Variants in ZEB2 observed in about 807,000 individuals in gnomAD.
ZEB2 encodes zinc finger E-box-binding homeobox 2.
A neutral mutation model predicts 99.9 loss-of-function variants in ZEB2; 6 were observed. That is an observed-to-expected ratio of 0.06 (90% CI 0.03 to 0.12). ZEB2 has a LOEUF of 0.12. Ranked by LOEUF, ZEB2 falls within the 10% of genes least tolerant of loss-of-function variation. The pLI, the probability that ZEB2 is intolerant of heterozygous loss-of-function variation, is 1.00. For missense variants in ZEB2, 969 were observed against 1,502.8 expected (o/e 0.64, Z 5.87); for synonymous variants, 517 against 542.5 (o/e 0.95, Z 0.65).
At chr2:144,483,966 A>G (rs1460068013) in intron 2 of ZEB2, among the ~76,000 whole-genome samples, 1 of 152,192 alleles carries the variant, frequency 6.6e-6, no homozygotes, top group East Asian at 1.9e-4. Flanking sequence ...CTTATGGTCA[A>G]GCAAATCATA....
intron 6 of ZEB2, among the ~76,000 whole-genome samples, chr2:144,402,324 G>C (rs887211616): frequency 2.0e-5 from 3 of 152,090 alleles, no homozygotes; most frequent in African/African-American, 7.2e-5. Context: ...ACAACTGCTA[G>C]GGTGTGCTGA....
intron 2 of ZEB2, among the ~76,000 whole-genome samples, chr2:144,466,689 C>T (rs994893407): frequency 3.3e-5 from 5 of 152,086 alleles, no homozygotes; most frequent in Non-Finnish European, 5.9e-5. Context: ...ACTATTATAC[C>T]GTAACAATAA....
intron 2 of ZEB2, chr2:144,516,521 C>G (rs990652797): frequency 1.8e-4 from 27 of 152,474 alleles, no homozygotes; most frequent in African/African-American, 6.5e-4. Flanking sequence ...CTGACTCAGC[C>G]TGGATAACGG....
Position 144,384,093 on chromosome 2 carries a change from A to C in ZEB2, c.*5358T>G. 6.6e-6 allele frequency: 1 copy of C among 152,184 alleles called. No individual in the cohort carries two copies. Among genetic ancestry groups the C allele is most frequent in the Non-Finnish European group, 1.5e-5 (1 of 68,022 alleles). 9.4% of individuals were successfully genotyped at this position (152,184 alleles called of 1,614,324 possible). A position where few individuals can be genotyped will look rare whatever the true frequency, so the allele number is the denominator to read the frequency against. On this transcript the variant is annotated 3_prime_UTR_variant, in exon 10 of 10. Transcript: ENST00000627532. ...AATACTTAAAAGATCATTTGTCATC[A>C]CTTTAATCTTCATGTATTTTTTACT...
At chr2:144,397,343 A>G (rs1703243314) in intron 8 of ZEB2, among the ~76,000 whole-genome samples, 1 of 152,238 alleles carries the variant, frequency 6.6e-6, no homozygotes, top group Admixed American at 6.5e-5. Flanking sequence ...AGGCTTAAAT[A>G]CATTTACAAA....
intron 2 of ZEB2, chr2:144,513,803 T>C: frequency 6.5e-7 from 1 of 1,536,142 alleles, no homozygotes; most frequent in Non-Finnish European, 8.7e-7. Context: ...CAAGGCTGTG[T>C]GGAGATAGTG....
chr2:144,508,799 T>C (rs1246664790), intron 2 of ZEB2, among the ~76,000 whole-genome samples: 5 of 152,050 alleles, frequency 3.3e-5, no homozygotes, highest in Admixed American at 6.6e-5. Context: ...TTGAAGCCCC[T>C]TTCTTCATCA....
chr2:144,393,916 GTTTA>G (rs933517350), intron 9 of ZEB2, among the ~76,000 whole-genome samples: 11 of 152,078 alleles, frequency 7.2e-5, no homozygotes, highest in South Asian at 2.1e-4. Flanking sequence ...AAGTTTGTTT[GTTTA>G]TTTATTTATT....
chr2:144,433,638 G>A (rs1024280738), intron 2 of ZEB2, among the ~76,000 whole-genome samples: 1 of 152,056 alleles, frequency 6.6e-6, no homozygotes, highest in African/African-American at 2.4e-5. Flanking sequence ...TATTTAAAAG[G>A]CTTTATAGTT....
chr2:144,417,011 A>T (rs992799369), intron 4 of ZEB2, among the ~76,000 whole-genome samples: 4 of 152,226 alleles, frequency 2.6e-5, no homozygotes, highest in Admixed American at 2.0e-4. Flanking sequence ...ACGTTGCACT[A>T]AATATTTTAC....
intron 9 of ZEB2, among the ~76,000 whole-genome samples, chr2:144,390,769 C>T (rs537115239): frequency 3.3e-4 from 51 of 152,270 alleles, no homozygotes; most frequent in East Asian, 3.1e-3. Flanking sequence ...TGCTGTATTT[C>T]CTTTGGCATT....
At position 144,389,433 on chromosome 2, in the gene ZEB2, T is replaced by C; in HGVS notation, c.*18A>G. The C allele has an allele frequency of 6.2e-7, 1 of 1,613,998 alleles. No individual in the cohort carries two copies. The highest frequency in any genetic ancestry group is 8.5e-7 in the Non-Finnish European group (1 of 1,179,898). ...ACTACTGGAAAAAAAAATAGGAAGC[T>C]TAAAATGCAGTAGTTTATTACATGC... On this transcript the variant is annotated 3_prime_UTR_variant, in exon 10 of 10. Coordinates refer to ENST00000627532, the MANE Select transcript of ZEB2 (RefSeq NM_014795.4). The surrounding 1 kb of genome is among the most constrained non-coding windows in gnomAD (Gnocchi z 6.8).
At chr2:144,508,524 A>G (rs560800997) in intron 2 of ZEB2, among the ~76,000 whole-genome samples, 1 of 152,166 alleles carries the variant, frequency 6.6e-6, no homozygotes, top group African/African-American at 2.4e-5. Flanking sequence ...TTCGAAACTA[A>G]ATAAGGCAAT....
At chr2:144,496,483 C>G (rs1164832871) in intron 2 of ZEB2, 1 of 152,128 alleles carries the variant, frequency 6.6e-6, no homozygotes, top group Non-Finnish European at 1.5e-5. Flanking sequence ...TCCTTACACC[C>G]CACTTAGTCT....
chr2:144,513,716 T>C, intron 2 of ZEB2: 2 of 1,535,812 alleles, frequency 1.3e-6, no homozygotes. Flanking sequence ...GCAACAAACT[T>C]TGCAAGTTAC....
chr2:144,441,321 C>T (rs1007947542), intron 2 of ZEB2, among the ~76,000 whole-genome samples: 3 of 152,086 alleles, frequency 2.0e-5, no homozygotes, highest in African/African-American at 4.8e-5. Flanking sequence ...GGCCGCTTGG[C>T]GGCCTAAGCC....
At chr2:144,489,919 C>A (rs1300315232) in intron 2 of ZEB2, among the ~76,000 whole-genome samples, 1 of 152,250 alleles carries the variant, frequency 6.6e-6, no homozygotes, top group East Asian at 1.9e-4. Flanking sequence ...TTCTGAAACA[C>A]AAACGGAGGC....
chr2:144,510,885 A>C (rs1286191365), intron 2 of ZEB2, among the ~76,000 whole-genome samples: 1 of 152,226 alleles, frequency 6.6e-6, no homozygotes, highest in African/African-American at 2.4e-5. Context: ...TATGAAAGGC[A>C]TTCAGGTCAG....
intron 2 of ZEB2, among the ~76,000 whole-genome samples, chr2:144,434,100 T>C (rs1435622557): frequency 6.6e-6 from 1 of 152,188 alleles, no homozygotes; most frequent in Non-Finnish European, 1.5e-5. Context: ...GCTAATGTAT[T>C]AACATACAGA....
Sources: gnomAD v4.1 joint callset for allele counts (sites outside exome capture counted in the v4.1 genomes callset) on GRCh38, gnomAD v4.1.1 for gene constraint, Gnocchi (gnomAD v3.1) non-coding constraint, MANE v1.5 for transcripts, NCBI Gene and HGNC (gene_info 2026-07-23, HGNC 2026-07-21) for gene names.